BBX: variants seen among roughly 807,000 people sequenced by gnomAD.
BBX encodes the protein BBX high mobility group box domain containing, also known as HMG box transcription factor BBX.
In BBX, 30 loss-of-function variants were observed where a neutral mutation model predicts 100.2. That is an observed-to-expected ratio of 0.30 (90% CI 0.22 to 0.41). The LOEUF is 0.41. Among genes scored for constraint, BBX ranks in the 10% least tolerant of loss-of-function variants. The pLI is 1.00. For missense variants in BBX, 1,023 were observed against 1,129.8 expected (o/e 0.91, Z 1.35); for synonymous variants, 376 against 388.1 (o/e 0.97, Z 0.37).
At chr3:107,648,055 G>A (rs1255734703) in intron 3 of BBX, among the ~76,000 whole-genome samples, 1 of 152,074 alleles carries the variant, frequency 6.6e-6, no homozygotes, top group African/African-American at 2.4e-5. Flanking sequence ...GACTGATAGG[G>A]AGAAACAGTA....
intron 2 of BBX, among the ~76,000 whole-genome samples, chr3:107,620,775 G>A (rs1276330788): frequency 6.6e-6 from 1 of 152,180 alleles, no homozygotes; most frequent in East Asian, 1.9e-4. Flanking sequence ...TGTAGAGGTG[G>A]GAAAGGGGGA....
intron 13 of BBX, among the ~76,000 whole-genome samples, chr3:107,785,627 T>C (rs2068334036): frequency 6.7e-6 from 1 of 148,838 alleles, no homozygotes; most frequent in South Asian, 2.1e-4. Context: ...TAAAAGTCAA[T>C]GCCCTTTAAA....
intron 2 of BBX, among the ~76,000 whole-genome samples, chr3:107,571,256 G>T (rs567562604): frequency 6.6e-6 from 1 of 152,062 alleles, no homozygotes; most frequent in African/African-American, 2.4e-5. Context: ...AGGTGTCCCC[G>T]CAATTGACTT....
chr3:107,611,548 G>A (rs1035348130), intron 2 of BBX, among the ~76,000 whole-genome samples: 7 of 152,114 alleles, frequency 4.6e-5, no homozygotes, highest in Non-Finnish European at 1.0e-4. Flanking sequence ...CTTTAAATAT[G>A]TCATGCCACT....
intron 3 of BBX, chr3:107,677,556 T>A (rs918238729): frequency 1.3e-5 from 2 of 152,126 alleles, no homozygotes; most frequent in Non-Finnish European, 2.9e-5. Context: ...GCCTACATGC[T>A]CAGAACAGTT....
At chr3:107,648,240 T>C (rs189636948) in intron 3 of BBX, among the ~76,000 whole-genome samples, 1 of 152,296 alleles carries the variant, frequency 6.6e-6, no homozygotes, top group East Asian at 1.9e-4. Flanking sequence ...GTGACAAGTT[T>C]TAAGGATACA....
At chr3:107,753,986 CATA>C (rs2065272555) in intron 9 of BBX, among the ~76,000 whole-genome samples, 1 of 152,056 alleles carries the variant, frequency 6.6e-6, no homozygotes, top group Admixed American at 6.6e-5. Context: ...TTATTGAGAG[CATA>C]ATATCTCTTC....
At chr3:107,799,414 A>G (rs1291943087) in intron 16 of BBX, among the ~76,000 whole-genome samples, 1 of 152,180 alleles carries the variant, frequency 6.6e-6, no homozygotes, top group African/African-American at 2.4e-5. Flanking sequence ...GTTTTATTCC[A>G]TGTTTAAAAT....
At chr3:107,704,272 TGG>T (rs2061258210) in intron 3 of BBX, among the ~76,000 whole-genome samples, 1 of 152,220 alleles carries the variant, frequency 6.6e-6, no homozygotes, top group African/African-American at 2.4e-5. Context: ...AAGTCATATG[TGG>T]TTAAGTGTTA....
chr3:107,770,007 A>C (rs1418005217), intron 10 of BBX, among the ~76,000 whole-genome samples: 1 of 152,232 alleles, frequency 6.6e-6, no homozygotes, highest in Non-Finnish European at 1.5e-5. Flanking sequence ...TAGGATTAAC[A>C]TAATCTGTGA....
chr3:107,772,329 C>G (rs1359084260), intron 10 of BBX, among the ~76,000 whole-genome samples: 2 of 152,170 alleles, frequency 1.3e-5, no homozygotes, highest in Non-Finnish European at 2.9e-5. Context: ...TTGGGTCTTT[C>G]AACTCTGAAT....
chr3:107,737,443 A>C (rs2107560126), intron 7 of BBX, among the ~76,000 whole-genome samples: 1 of 152,282 alleles, frequency 6.6e-6, no homozygotes, highest in East Asian at 1.9e-4. Flanking sequence ...TCAGTATAGG[A>C]AGTCCAAAGT....
chr3:107,543,585 G>A (rs894162123), intron 2 of BBX, among the ~76,000 whole-genome samples: 3 of 152,170 alleles, frequency 2.0e-5, no homozygotes, highest in Non-Finnish European at 4.4e-5. Flanking sequence ...ACTGTACGTG[G>A]CTTCAGTTTA....
intron 13 of BBX, among the ~76,000 whole-genome samples, chr3:107,784,498 G>GA (rs1170471730): frequency 4.0e-5 from 6 of 151,722 alleles, no homozygotes; most frequent in Middle Eastern, 3.2e-3. Flanking sequence ...ATCAGTAGTA[G>GA]AAAAAAATTG....
intron 3 of BBX, among the ~76,000 whole-genome samples, chr3:107,681,472 T>G (rs921459508): frequency 2.6e-5 from 4 of 152,054 alleles, no homozygotes; most frequent in Non-Finnish European, 5.9e-5. Flanking sequence ...GGGACATTAT[T>G]TGGGGAAATG....
chr3:107,565,420 CACT>C (rs1201820279), intron 2 of BBX, among the ~76,000 whole-genome samples: 2 of 149,774 alleles, frequency 1.3e-5, no homozygotes, highest in African/African-American at 2.4e-5. Context: ...ATATTTATTT[CACT>C]ACTATTAACA....
intron 2 of BBX, among the ~76,000 whole-genome samples, chr3:107,644,245 T>A (rs1277940528): frequency 6.6e-6 from 1 of 152,126 alleles, no homozygotes; most frequent in African/African-American, 2.4e-5. Flanking sequence ...ATTTTATTTC[T>A]CAGATAGCAT....
chr3:107,592,053 T>A lies in BBX; in HGVS notation c.-83-53783T>A, dbSNP rs144870780. The stretch of plus-strand genomic sequence containing the variant: ...TATGTAATTTGTAGTTAGCTATGAC[T>A]GTGGCTTCATATTAGAGATTAACCC... On this transcript the variant is annotated intron_variant, in intron 2 of 17. Coordinates refer to ENST00000325805, the MANE Select transcript of BBX (RefSeq NM_001142568.3). Among the ~76,000 whole-genome samples, 352 of 152,318 alleles carry A rather than the reference T, an allele frequency of 2.3e-3. 2 individuals carry two copies. The highest frequency in any genetic ancestry group is 7.5e-3 in the African/African-American group (310 of 41,568).
At chr3:107,601,051 A>G (rs894508078) in intron 2 of BBX, among the ~76,000 whole-genome samples, 1 of 152,194 alleles carries the variant, frequency 6.6e-6, no homozygotes. Context: ...TTTCATTATT[A>G]TCATATCTGC....
Sources: allele counts gnomAD v4.1 joint callset (sites outside exome capture counted in the v4.1 genomes callset), GRCh38; gene constraint gnomAD v4.1.1; transcripts MANE v1.5; gene names NCBI Gene and HGNC (gene_info 2026-07-23, HGNC 2026-07-21).